Variants in CSMD1 observed in about 807,000 individuals in gnomAD.
The protein encoded by CSMD1 is CUB and sushi domain-containing protein 1.
In CSMD1, 213 loss-of-function variants were observed where a neutral mutation model predicts 417.5. The ratio of observed to expected loss-of-function variants is 0.51; its 90% confidence interval spans 0.46 to 0.57. CSMD1 has a LOEUF of 0.57. Ranked by LOEUF, CSMD1 falls within the 20% of genes least tolerant of loss-of-function variation. The probability of loss-of-function intolerance (pLI) is 0.00; values close to 1 mark genes in which losing one functional copy is unlikely to be tolerated. For missense variants in CSMD1, 6,923 were observed against 4,529.7 expected (o/e 1.53, Z -15.17); for synonymous variants, 2,862 against 1,736.8 (o/e 1.65, Z -16.11).
intron 3 of CSMD1, among the ~76,000 whole-genome samples, chr8:4,373,440 A>C (rs1802522063): frequency 6.6e-6 from 1 of 152,188 alleles, no homozygotes; most frequent in African/African-American, 2.4e-5. Flanking sequence ...GAGTATTTGA[A>C]AACACTGCAA....
intron 49 of CSMD1, among the ~76,000 whole-genome samples, chr8:3,053,275 G>C (rs181320950): frequency 6.6e-6 from 1 of 152,090 alleles, no homozygotes; most frequent in Non-Finnish European, 1.5e-5. Context: ...GTGTGGCCAC[G>C]GGAGCACAAT....
chr8:4,604,558 T>C (rs1188866281), intron 2 of CSMD1, among the ~76,000 whole-genome samples: 4 of 152,134 alleles, frequency 2.6e-5, no homozygotes, highest in Non-Finnish European at 5.9e-5. Context: ...TTTATTTTTT[T>C]CTAAATCTCT....
chr8:3,149,634 T>C (rs898946855), intron 40 of CSMD1, among the ~76,000 whole-genome samples: 3 of 152,150 alleles, frequency 2.0e-5, no homozygotes, highest in Non-Finnish European at 2.9e-5. Context: ...AGTGCCACCA[T>C]GCCCAGCTAA....
intron 3 of CSMD1, among the ~76,000 whole-genome samples, chr8:4,144,422 G>C (rs948688921): frequency 6.6e-6 from 1 of 151,170 alleles, no homozygotes; most frequent in Admixed American, 6.6e-5. Context: ...AAAATCTGAA[G>C]TGAAGAATCA....
chr8:3,887,795 G>T (rs1372338210), intron 5 of CSMD1, among the ~76,000 whole-genome samples: 2 of 152,152 alleles, frequency 1.3e-5, no homozygotes, highest in Non-Finnish European at 2.9e-5. Flanking sequence ...ATCAGAAAAG[G>T]CATTTTGCCT....
chr8:4,549,948 T>C (rs1457163946), intron 2 of CSMD1, among the ~76,000 whole-genome samples: 1 of 142,774 alleles, frequency 7.0e-6, no homozygotes, highest in Non-Finnish European at 1.5e-5. Context: ...CTTAGGTGAA[T>C]GGCCATTTTC....
intron 1 of CSMD1, among the ~76,000 whole-genome samples, chr8:4,739,219 C>T (rs1344974132): frequency 6.6e-6 from 1 of 152,146 alleles, no homozygotes; most frequent in Non-Finnish European, 1.5e-5. Flanking sequence ...TAAAGCAATC[C>T]TATGTTGTTG....
At chr8:4,297,653 T>A (rs1288823321) in intron 3 of CSMD1, among the ~76,000 whole-genome samples, 2 of 152,160 alleles carry the variant, frequency 1.3e-5, no homozygotes, top group Non-Finnish European at 2.9e-5. Context: ...ACACTAGGGT[T>A]TGGATTTTGA....
chr8:3,779,155 G>GTC (rs1222646869), intron 5 of CSMD1, among the ~76,000 whole-genome samples: 3 of 143,200 alleles, frequency 2.1e-5, no homozygotes, highest in African/African-American at 8.0e-5. Flanking sequence ...ATACTTGTGT[G>GTC]TGTGTGTGTG....
intron 23 of CSMD1, among the ~76,000 whole-genome samples, chr8:3,322,784 C>T (rs1288232748): frequency 3.9e-5 from 6 of 152,188 alleles, no homozygotes; most frequent in Non-Finnish European, 1.5e-5. Context: ...TCAAACATCA[C>T]CAAGGAGGCA....
chr8:3,876,459 G>C (rs28410630), intron 5 of CSMD1, among the ~76,000 whole-genome samples: 2 of 152,002 alleles, frequency 1.3e-5, no homozygotes, highest in Non-Finnish European at 2.9e-5. Flanking sequence ...CCTGTCTCTT[G>C]TTGGAGAGTC....
chr8:3,492,452 C>G (rs1303639922), intron 11 of CSMD1, among the ~76,000 whole-genome samples: 2 of 152,198 alleles, frequency 1.3e-5, no homozygotes, highest in Non-Finnish European at 2.9e-5. Flanking sequence ...CTGCAGAACA[C>G]TTTCCATTAA....
At chr8:3,272,614 T>C (rs2117162430) in intron 26 of CSMD1, among the ~76,000 whole-genome samples, 1 of 137,064 alleles carries the variant, frequency 7.3e-6, no homozygotes, top group East Asian at 2.2e-4. Context: ...CCTTGAGCAG[T>C]GGTTTGTAGT....
At chr8:3,455,173 A>C (rs996899561) in intron 12 of CSMD1, among the ~76,000 whole-genome samples, 2 of 152,096 alleles carry the variant, frequency 1.3e-5, no homozygotes, top group Non-Finnish European at 2.9e-5. Flanking sequence ...TAGGTCCTTT[A>C]AGGACTTCTC....
intron 2 of CSMD1, among the ~76,000 whole-genome samples, chr8:4,601,647 T>G (rs553996880): frequency 6.6e-6 from 1 of 152,306 alleles, no homozygotes; most frequent in South Asian, 2.1e-4. Flanking sequence ...GGCGGATGTC[T>G]CATTTTTGCA....
chr8:3,429,277 C>T (rs966030925), intron 12 of CSMD1, among the ~76,000 whole-genome samples: 2 of 152,070 alleles, frequency 1.3e-5, no homozygotes, highest in African/African-American at 2.4e-5. Flanking sequence ...TAAATATGTA[C>T]TGAAGCATAA....
At chr8:3,654,223 G>T (rs915889072) in intron 7 of CSMD1, among the ~76,000 whole-genome samples, 6 of 152,114 alleles carry the variant, frequency 3.9e-5, no homozygotes, top group Admixed American at 3.3e-4. Context: ...TGACTGAATT[G>T]TATGTAAACC....
Position 4,704,424 on chromosome 8 carries a change from G to C in CSMD1, c.86-66866C>G, listed in dbSNP as rs201307058. Among the ~76,000 whole-genome samples, 7 of 152,258 alleles carry C rather than the reference G, an allele frequency of 4.6e-5. No homozygotes were observed. In the East Asian group the frequency reaches 9.7e-4, roughly 21 times the overall value. Reference sequence around the variant, plus strand: ...CTTATCTATTGTTTATGTGGTGTCTGGCAGAGACTAGGATTTCAATAAATA... The same window carrying C: ...CTTATCTATTGTTTATGTGGTGTCTCGCAGAGACTAGGATTTCAATAAATA... On this transcript the variant is annotated intron_variant, in intron 1 of 69. Coordinates refer to ENST00000635120, the MANE Select transcript of CSMD1 (RefSeq NM_033225.6).
intron 1 of CSMD1, among the ~76,000 whole-genome samples, chr8:4,962,009 T>A (rs1585415048): frequency 6.6e-6 from 1 of 152,062 alleles, no homozygotes; most frequent in African/African-American, 2.4e-5. Context: ...ATTTCTGTTA[T>A]CTCTCTGAGA....
Sources: allele counts gnomAD v4.1 joint callset (sites outside exome capture counted in the v4.1 genomes callset), GRCh38; gene constraint gnomAD v4.1.1; transcripts MANE v1.5; gene names NCBI Gene and HGNC (gene_info 2026-07-23, HGNC 2026-07-21).